The following THSD7A variants were observed in gnomAD, a reference collection of about 807,000 sequenced individuals.
THSD7A encodes the protein thrombospondin type-1 domain-containing protein 7A.
A neutral mutation model predicts 231.3 loss-of-function variants in THSD7A; 96 were observed. The ratio of observed to expected loss-of-function variants is 0.41; its 90% confidence interval spans 0.35 to 0.49. THSD7A has a LOEUF of 0.49. THSD7A is among the 20% of genes least tolerant of loss of function. The probability of loss-of-function intolerance (pLI) is 0.05; values close to 1 mark genes in which losing one functional copy is unlikely to be tolerated. For synonymous variants in THSD7A, 940 were observed against 743.3 expected (o/e 1.26, Z -4.30); for missense variants, 2,290 against 2,070.2 (o/e 1.11, Z -2.06).
At chr7:11,715,002 C>T (rs1018254544) in intron 1 of THSD7A, among the ~76,000 whole-genome samples, 2 of 151,324 alleles carry the variant, frequency 1.3e-5, no homozygotes, top group East Asian at 3.9e-4. Context: ...GAAGTGGCTT[C>T]CATGGTTCTC....
chr7:11,452,677 C>G (rs1785183120), intron 11 of THSD7A, among the ~76,000 whole-genome samples: 1 of 151,934 alleles, frequency 6.6e-6, no homozygotes, highest in Admixed American at 6.6e-5. Flanking sequence ...CATCCAAGAA[C>G]AATCACAGAC....
At chr7:11,492,674 A>C (rs567470563) in intron 6 of THSD7A, among the ~76,000 whole-genome samples, 24 of 152,188 alleles carry the variant, frequency 1.6e-4, no homozygotes, top group South Asian at 8.3e-4. Context: ...AGAGAACTGA[A>C]GCTAAGTGCT....
chr7:11,590,675 A>T lies in THSD7A; in HGVS notation c.1272-34T>A. The T allele has an allele frequency of 6.4e-7, 1 of 1,559,370 alleles. No individual in the cohort carries two copies. Among genetic ancestry groups the T allele is most frequent in the Non-Finnish European group, 8.7e-7 (1 of 1,153,622 alleles). ...AGACAACACCACCAGCAGCAACCATAATTATTGAATGACGTGTTTCTCTAC... is the reference window on the plus strand; with the variant it reads ...AGACAACACCACCAGCAGCAACCATTATTATTGAATGACGTGTTTCTCTAC... On this transcript the variant is annotated intron_variant, in intron 3 of 27. Transcript: ENST00000423059. The surrounding 1 kb of genome is among the most constrained non-coding windows in gnomAD (Gnocchi z 4.4).
intron 1 of THSD7A, chr7:11,820,303 G>T (rs143740598): frequency 3.3e-6 from 2 of 609,480 alleles, no homozygotes; most frequent in East Asian, 3.5e-5. Flanking sequence ...AAGGAATTCC[G>T]TAAAGAGTGG....
In THSD7A at chr7:11,831,412, C is replaced by T. The variant is rs1562586010; in HGVS notation, c.190+345G>A. 6.6e-6 allele frequency among the ~76,000 whole-genome samples: 1 copy of T among 152,140 alleles called. No homozygotes were observed. Among genetic ancestry groups the T allele is most frequent in the Non-Finnish European group, 1.5e-5 (1 of 68,024 alleles). On this transcript the variant is annotated intron_variant, in intron 1 of 27. Transcript: ENST00000423059. This position sits in a 1 kb window ranked among gnomAD's most constrained non-coding sequence, Gnocchi z 5.0. Reference sequence around the variant, plus strand: ...CTAAAGAATAAAGACTGAGACTAAACTCTTTGCTTGTTCTTTGCTAGAAAT... The same window carrying T: ...CTAAAGAATAAAGACTGAGACTAAATTCTTTGCTTGTTCTTTGCTAGAAAT...
chr7:11,704,893 C>T (rs1245011334), intron 1 of THSD7A, among the ~76,000 whole-genome samples: 1 of 151,074 alleles, frequency 6.6e-6, no homozygotes, highest in African/African-American at 2.4e-5. Context: ...AATAATTTAA[C>T]ATACATCATT....
In THSD7A at chr7:11,376,590, G is replaced by T. The variant is rs771376545; in HGVS notation, c.4869C>A (p.Val1623=). ...CTCACCAAGCTAGATAAATCATGGA[G>T]ACAATAAAGATGAGTAACACAAATG... ...AGAFVLLIFI[V]SMIYLACKKP... Residue 1623 remains valine (V), a synonymous_variant, in exon 27 of 28, where the codon GTC becomes GTA. Transcript: ENST00000423059. The T allele has an allele frequency of 6.3e-7, 1 of 1,584,048 alleles. No homozygotes were observed. The highest frequency in any genetic ancestry group is 8.6e-7 in the Non-Finnish European group (1 of 1,164,238).
intron 2 of THSD7A, among the ~76,000 whole-genome samples, chr7:11,595,647 A>G (rs145555812): frequency 1.1e-4 from 17 of 152,298 alleles, no homozygotes; most frequent in Admixed American, 1.1e-3. Context: ...GAGGTCCAGA[A>G]TACATACCCT....
At chr7:11,638,780 C>G (rs1307374606) in intron 1 of THSD7A, among the ~76,000 whole-genome samples, 1 of 152,044 alleles carries the variant, frequency 6.6e-6, no homozygotes, top group Non-Finnish European at 1.5e-5. Context: ...GGGAGAAAGC[C>G]AGTGGGTTTG....
intron 6 of THSD7A, among the ~76,000 whole-genome samples, chr7:11,486,864 C>G (rs1461827302): frequency 6.6e-6 from 1 of 152,050 alleles, no homozygotes. Context: ...ACTAAATGAA[C>G]CATTGTCTAC....
At chr7:11,800,745 T>C (rs547218898) in intron 1 of THSD7A, among the ~76,000 whole-genome samples, 4 of 152,044 alleles carry the variant, frequency 2.6e-5, no homozygotes, top group Non-Finnish European at 4.4e-5. Context: ...AAATGGAGAA[T>C]TGTTTTTCGA....
intron 6 of THSD7A, chr7:11,520,114 T>A (rs1040645414): frequency 2.6e-5 from 4 of 152,192 alleles, no homozygotes; most frequent in African/African-American, 9.7e-5. Flanking sequence ...TTCCTGATCA[T>A]CACAGCTGGA....
At chr7:11,551,020 T>G (rs1048239965) in intron 4 of THSD7A, among the ~76,000 whole-genome samples, 1 of 152,046 alleles carries the variant, frequency 6.6e-6, no homozygotes, top group Non-Finnish European at 1.5e-5. Flanking sequence ...TGGAACAGAT[T>G]AGTGATTCCA....
chr7:11,620,042 C>A (rs1781252800), intron 2 of THSD7A, among the ~76,000 whole-genome samples: 1 of 152,078 alleles, frequency 6.6e-6, no homozygotes, highest in Non-Finnish European at 1.5e-5. Flanking sequence ...CAATGATAAA[C>A]CATGGGGTTG....
intron 6 of THSD7A, among the ~76,000 whole-genome samples, chr7:11,518,805 T>C (rs1479075959): frequency 6.6e-6 from 1 of 152,186 alleles, no homozygotes; most frequent in African/African-American, 2.4e-5. Flanking sequence ...ACATGTGAAA[T>C]AATAAATTAT....
At chr7:11,816,189 G>A (rs1388121069) in intron 1 of THSD7A, among the ~76,000 whole-genome samples, 2 of 152,108 alleles carry the variant, frequency 1.3e-5, no homozygotes. Context: ...TTGTTCCCCT[G>A]CACCTGACAC....
At chr7:11,640,713 T>C (rs1461990671) in intron 1 of THSD7A, among the ~76,000 whole-genome samples, 1 of 152,178 alleles carries the variant, frequency 6.6e-6, no homozygotes, top group Non-Finnish European at 1.5e-5. Flanking sequence ...ATTTCTGCAA[T>C]GATTTTCAGC....
intron 2 of THSD7A, among the ~76,000 whole-genome samples, chr7:11,612,647 T>C (rs1303825327): frequency 6.6e-6 from 1 of 152,204 alleles, no homozygotes; most frequent in Non-Finnish European, 1.5e-5. Flanking sequence ...CATTTTAATA[T>C]AGTATATTTT....
At chr7:11,447,189 A>G in intron 12 of THSD7A, 41 bp downstream of exon 12, 3 of 1,586,698 alleles carry the variant, frequency 1.9e-6, no homozygotes, top group South Asian at 2.2e-5. Context: ...ATGTTCCTCT[A>G]CTTTGACGTG....
Sources: gnomAD v4.1 joint callset for allele counts (sites outside exome capture counted in the v4.1 genomes callset) on GRCh38, gnomAD v4.1.1 for gene constraint, Gnocchi (gnomAD v3.1) non-coding constraint, MANE v1.5 for transcripts, NCBI Gene and HGNC (gene_info 2026-07-23, HGNC 2026-07-21) for gene names.